ARHGAP32: variants seen among roughly 807,000 people sequenced by gnomAD.
ARHGAP32 encodes the protein Rho GTPase activating protein 32, also known as rho GTPase-activating protein 32.
A neutral mutation model predicts 186.5 loss-of-function variants in ARHGAP32; 51 were observed. The ratio of observed to expected loss-of-function variants is 0.27; its 90% CI spans 0.22 to 0.35. The LOEUF is 0.35. ARHGAP32 is among the 10% of genes least tolerant of loss of function. ARHGAP32 has a pLI of 1.00. For synonymous variants in ARHGAP32, 950 were observed against 964.3 expected (o/e 0.99, Z 0.27); for missense variants, 2,186 against 2,623.5 (o/e 0.83, Z 3.64).
At chr11:129,098,516 T>G (rs983582567) in intron 5 of ARHGAP32, among the ~76,000 whole-genome samples, 1 of 151,962 alleles carries the variant, frequency 6.6e-6, no homozygotes, top group African/African-American at 2.4e-5. Flanking sequence ...CCTCCCGGGT[T>G]CACACCAATT....
At chr11:128,985,863 T>TATATAC (rs1372677851) in intron 15 of ARHGAP32, 140 bp downstream of exon 15, 1 of 168,272 alleles carries the variant, frequency 5.9e-6, no homozygotes, top group Admixed American at 6.9e-5. Context: ...TGTGTGTATA[T>TATATAC]ATATATATAT....
At chr11:129,257,178 T>A (rs1945265022) in intron 1 of ARHGAP32, among the ~76,000 whole-genome samples, 1 of 152,148 alleles carries the variant, frequency 6.6e-6, no homozygotes, top group South Asian at 2.1e-4. Context: ...GAAATGAACC[T>A]CAGACAAGTA....
intron 11 of ARHGAP32, among the ~76,000 whole-genome samples, chr11:129,003,788 C>T (rs1229010729): frequency 6.6e-6 from 1 of 151,762 alleles, no homozygotes; most frequent in Non-Finnish European, 1.5e-5. Context: ...CTTAGTCTGG[C>T]TAAAGGTTTG....
rs1235515191 is a variant in ARHGAP32 at position 128,972,481 on chromosome 11, G to T, written c.4025C>A (p.Thr1342Asn). The change falls in exon 22 of 23, where the codon ACC becomes AAC. Residue 1342 changes from threonine (T) to asparagine (N), a missense_variant. Physicochemically the swap from Thr to Asn is moderately conservative, Grantham distance 65. Transcript: ENST00000682385. ...GTGGGAATTATTTAATCCTATATTG[G>T]TTGCTGCTTGTACCTGCCCCACAAC... ...PPVVGQVQAA[T>N]NIGLNNSHKV... 2 of 1,521,968 alleles carry T rather than the reference G, an allele frequency of 1.3e-6. No individual in the cohort carries two copies. The highest frequency in any genetic ancestry group is 1.8e-6 in the Non-Finnish European group (2 of 1,136,170). 94.3% of individuals were successfully genotyped at this position (1,521,968 alleles called of 1,614,324 possible).
At chr11:129,043,447 C>T (rs1379796421) in intron 10 of ARHGAP32, among the ~76,000 whole-genome samples, 3 of 142,262 alleles carry the variant, frequency 2.1e-5, no homozygotes, top group South Asian at 2.2e-4. Context: ...AGTGCAACGA[C>T]GCGACCTCGG....
chr11:129,063,819 T>C, intron 9 of ARHGAP32, 83 bp downstream of exon 9: 1 of 1,387,006 alleles, frequency 7.2e-7, no homozygotes, highest in Non-Finnish European at 9.5e-7. Flanking sequence ...TTTTAAAAAT[T>C]AAGGAAATGG....
At chr11:129,170,341 C>T (rs1358740703) in intron 1 of ARHGAP32, among the ~76,000 whole-genome samples, 1 of 152,060 alleles carries the variant, frequency 6.6e-6, no homozygotes, top group Non-Finnish European at 1.5e-5. Flanking sequence ...ACCCTCCACC[C>T]CACAACTGGC....
chr11:128,987,883 A>T, intron 13 of ARHGAP32, 140 bp downstream of exon 13: 1 of 635,886 alleles, frequency 1.6e-6, no homozygotes, highest in Non-Finnish European at 2.7e-6. Flanking sequence ...GTATACAGAG[A>T]CAATAACATG....
intron 1 of ARHGAP32, among the ~76,000 whole-genome samples, chr11:129,277,550 A>C (rs1490662923): frequency 6.6e-6 from 1 of 152,242 alleles, no homozygotes; most frequent in Non-Finnish European, 1.5e-5. Context: ...ACGATCATAC[A>C]GTAAACTGGG....
At chr11:129,171,579 T>G (rs1943761579) in intron 1 of ARHGAP32, among the ~76,000 whole-genome samples, 1 of 152,232 alleles carries the variant, frequency 6.6e-6, no homozygotes, top group Non-Finnish European at 1.5e-5. Flanking sequence ...GGTAGCGTTG[T>G]AGTATAGTTT....
At chr11:129,052,662 T>C (rs535663552) in intron 10 of ARHGAP32, among the ~76,000 whole-genome samples, 258 of 152,206 alleles carry the variant, frequency 1.7e-3, no homozygotes, top group Non-Finnish European at 2.8e-3. Flanking sequence ...CTATTATACA[T>C]GGGTTTTATA....
intron 10 of ARHGAP32, among the ~76,000 whole-genome samples, chr11:129,059,924 C>T (rs1317477733): frequency 6.6e-6 from 1 of 152,146 alleles, no homozygotes; most frequent in Non-Finnish European, 1.5e-5. Flanking sequence ...GATACGATTG[C>T]CTTTCTAAGA....
chr11:129,154,408 A>G (rs1041745613), intron 2 of ARHGAP32, among the ~76,000 whole-genome samples: 1 of 152,202 alleles, frequency 6.6e-6, no homozygotes, highest in Non-Finnish European at 1.5e-5. Flanking sequence ...AGAAGTCATT[A>G]TATGAAAAAG....
At chr11:129,069,570 TA>T (rs1940805629) in intron 6 of ARHGAP32, among the ~76,000 whole-genome samples, 1 of 152,084 alleles carries the variant, frequency 6.6e-6, no homozygotes, top group Non-Finnish European at 1.5e-5. Context: ...TAAAAGTTAA[TA>T]TATCTTTAGA....
At position 128,974,085 on chromosome 11, in the gene ARHGAP32, TCTTAA is replaced by T. The variant is rs765595621; in HGVS notation, c.3073+34_3073+38del. 22 of 1,603,616 alleles carry T rather than the reference TCTTAA, an allele frequency of 1.4e-5. No homozygotes were observed. In the African/African-American group the frequency reaches 2.4e-4, roughly 18 times the overall value. ...GATGGCACACAGGATTGAAGATCCC[TCTTAA>T]CTTAAAGAAAGAATGGAGGAAAACA... is the stretch of plus-strand genomic sequence containing the variant. On this transcript the variant is annotated intron_variant, in intron 21 of 22. Transcript: ENST00000682385.
At chr11:129,020,305 T>G (rs1938540629) in intron 11 of ARHGAP32, among the ~76,000 whole-genome samples, 1 of 152,100 alleles carries the variant, frequency 6.6e-6, no homozygotes. Context: ...TTTAAATTAA[T>G]TTTAATTATT....
Position 128,969,402 on chromosome 11 carries a change from A to G in ARHGAP32, c.5811T>C (p.Ser1937=), listed in dbSNP as rs764327159. The G allele has an allele frequency of 1.9e-6, 3 of 1,614,032 alleles. No homozygotes were observed. Among genetic ancestry groups the G allele is most frequent in the Non-Finnish European group, 2.5e-6 (3 of 1,180,030 alleles). ...GCCCGGATGCAGCATATTTTACTCC[A>G]GAGTTGTGGTAGCTGACTGGCTCAG... ...DTSEPVSYHN[S]GVKYAASGQE... Residue 1937 remains serine (S), a synonymous_variant, in exon 23 of 23, where the codon TCT becomes TCC. Transcript: ENST00000682385. The surrounding 1 kb of genome is among the most constrained non-coding windows in gnomAD (Gnocchi z 4.8).
chr11:129,088,472 C>T (rs983215031), intron 6 of ARHGAP32, among the ~76,000 whole-genome samples: 10 of 151,900 alleles, frequency 6.6e-5, no homozygotes, highest in Non-Finnish European at 1.2e-4. Flanking sequence ...CTCAGATACT[C>T]GGGAGGCTGA....
intron 1 of ARHGAP32, among the ~76,000 whole-genome samples, chr11:129,222,876 C>G (rs142892199): frequency 7.8e-4 from 118 of 152,132 alleles, no homozygotes; most frequent in Non-Finnish European, 1.4e-3. Context: ...ATGCTGTATT[C>G]TGGGGGTAGA....
Sources: allele counts gnomAD v4.1 joint callset (sites outside exome capture counted in the v4.1 genomes callset), GRCh38; gene constraint gnomAD v4.1.1; non-coding constraint Gnocchi (gnomAD v3.1); transcripts MANE v1.5; gene names NCBI Gene and HGNC (gene_info 2026-07-23, HGNC 2026-07-21).